DHRS3: variants seen among roughly 807,000 people sequenced by gnomAD.
The protein encoded by DHRS3 is dehydrogenase/reductase 3.
DHRS3 carries 14 observed loss-of-function variants against 27.2 expected under a neutral mutation model. The ratio of observed to expected loss-of-function variants is 0.52; its 90% CI spans 0.34 to 0.81. DHRS3 has a LOEUF of 0.81. Among genes scored for constraint, DHRS3 ranks in the 30% least tolerant of loss-of-function variants. The pLI is 0.01. For missense variants in DHRS3, 322 were observed against 406.2 expected, an observed-to-expected ratio of 0.79 and a Z score of 1.78; for synonymous variants, 165 against 175.9, an observed-to-expected ratio of 0.94 and a Z score of 0.49.
intron 1 of DHRS3, among the ~76,000 whole-genome samples, chr1:12,599,300 G>GTA: frequency 1.3e-5 from 2 of 152,194 alleles, no homozygotes; most frequent in Middle Eastern, 3.4e-3. Context: ...ACCCTGCAAA[G>GTA]ACCAGGATGC....
chr1:12,575,760 G>A (rs1352077763), intron 4 of DHRS3, among the ~76,000 whole-genome samples: 1 of 152,058 alleles, frequency 6.6e-6, no homozygotes, highest in African/African-American at 2.4e-5. Flanking sequence ...AGGCTGGAGT[G>A]CAATTGTGCA....
chr1:12,591,748 C>T lies in DHRS3; in HGVS notation c.196-11082G>A, dbSNP rs965134030. On this transcript the variant is annotated intron_variant, in intron 1 of 5. Transcript: ENST00000616661. The surrounding 1 kb of genome is among the most constrained non-coding windows in gnomAD (Gnocchi z 4.1). ...GGTAGAGCTGGGACCTCAACTTATG[C>T]AATCTGTGCCCTTGGCCACTGACTT... Among the ~76,000 whole-genome samples the T allele has an allele frequency of 2.6e-5, 4 of 152,246 alleles. No individual in the cohort carries two copies. Among genetic ancestry groups the T allele is most frequent in the African/African-American group, 4.8e-5 (2 of 41,472 alleles).
intron 1 of DHRS3, among the ~76,000 whole-genome samples, chr1:12,605,258 G>A (rs146508613): frequency 2.0e-5 from 3 of 152,074 alleles, no homozygotes; most frequent in East Asian, 1.9e-4. Context: ...ATATTACCAC[G>A]GTTATGTACA....
intron 1 of DHRS3, among the ~76,000 whole-genome samples, chr1:12,583,417 T>TATCCATCC (rs113024057): frequency 1.2e-5 from 1 of 84,654 alleles, no homozygotes; most frequent in African/African-American, 4.9e-5. Context: ...CTCACCTACT[T>TATCCATCC]ATCCATCCAT....
Position 12,578,867 on chromosome 1 carries a change from G to A in DHRS3, c.549C>T (p.Pro183=), listed in dbSNP as rs112570881. 294 of 1,613,950 alleles carry A rather than the reference G, an allele frequency of 1.8e-4. 1 individual carries two copies. In the African/African-American group the frequency reaches 2.6e-3, roughly 14 times the overall value. ...TGGATGTGCAGTAGTCGATGGCACC[G>A]GGGATGGCAGACAGTGCCAGCACGG... The part of the protein sequence containing the change: ...LNSVLALSAI[P]GAIDYCTSKA... The change falls in exon 4 of 6, where the codon CCC becomes CCT. Residue 183 remains proline, a synonymous_variant. Transcript: ENST00000616661. This position sits in a 1 kb window ranked among gnomAD's most constrained non-coding sequence, Gnocchi z 4.5.
intron 1 of DHRS3, among the ~76,000 whole-genome samples, chr1:12,600,866 T>C (rs1015099583): frequency 6.6e-6 from 1 of 152,132 alleles, no homozygotes; most frequent in African/African-American, 2.4e-5. Flanking sequence ...GTTGACAACC[T>C]GCTGGACTTT....
intron 1 of DHRS3, among the ~76,000 whole-genome samples, chr1:12,601,316 T>A (rs935122607): frequency 1.3e-5 from 2 of 152,054 alleles, no homozygotes; most frequent in Non-Finnish European, 2.9e-5. Context: ...GCTCACCCAG[T>A]CACTGCCAGA....
chr1:12,601,076 T>C (rs968059960), intron 1 of DHRS3, among the ~76,000 whole-genome samples: 1 of 152,142 alleles, frequency 6.6e-6, no homozygotes, highest in Non-Finnish European at 1.5e-5. Flanking sequence ...CAGGCAGGCC[T>C]GGCTCTCCTG....
intron 1 of DHRS3, among the ~76,000 whole-genome samples, chr1:12,612,069 G>A (rs1646914303): frequency 6.6e-6 from 1 of 152,164 alleles, no homozygotes. Flanking sequence ...GAGTAAGAAG[G>A]AGATGTTTGT....
rs1205126804 is a variant in DHRS3, at chr1:12,586,545, G to A, written c.196-5879C>T. Reference sequence around the variant, plus strand: ...TGAAGCAGATGTAATCCTACTTCAAGGAACCCACATTCCAGTGGGGGAAGA... The same window carrying A: ...TGAAGCAGATGTAATCCTACTTCAAAGAACCCACATTCCAGTGGGGGAAGA... On this transcript the variant is annotated intron_variant, in intron 1 of 5. Coordinates refer to ENST00000616661, the MANE Select transcript of DHRS3 (RefSeq NM_004753.7). This position sits in a 1 kb window ranked among gnomAD's most constrained non-coding sequence, Gnocchi z 5.0. Among the ~76,000 whole-genome samples the A allele has an allele frequency of 6.6e-6, 1 of 152,192 alleles. No homozygotes were observed. Among genetic ancestry groups the A allele is most frequent in the African/African-American group, 2.4e-5 (1 of 41,432 alleles).
chr1:12,612,537 T>C (rs190974502), intron 1 of DHRS3, among the ~76,000 whole-genome samples: 33 of 152,290 alleles, frequency 2.2e-4, no homozygotes, highest in African/African-American at 7.9e-4. Context: ...CAAGGCTCAG[T>C]CGAATGCTCC....
intron 1 of DHRS3, among the ~76,000 whole-genome samples, chr1:12,599,738 C>T (rs145632219): frequency 3.9e-5 from 6 of 152,352 alleles, no homozygotes; most frequent in Non-Finnish European, 7.3e-5. Flanking sequence ...TCATCCTTAA[C>T]GCCTCAGCTT....
rs546740360 is a variant in DHRS3, at chr1:12,574,792, G to A, written c.699-1939C>T. 6.0e-4 allele frequency among the ~76,000 whole-genome samples: 92 copies of A among 152,324 alleles called. 1 individual carries two copies. The Middle Eastern group carries it at 0.01, about 17-fold the overall frequency. On this transcript the variant is annotated intron_variant, in intron 4 of 5. Transcript: ENST00000616661. The surrounding 1 kb of genome is among the most constrained non-coding windows in gnomAD (Gnocchi z 4.6). ...TCCACGGTGTGTGGGATGGGGACACGGGGAACTGGCACAGCTATTAACTCC... is the reference window on the plus strand; with the variant it reads ...TCCACGGTGTGTGGGATGGGGACACAGGGAACTGGCACAGCTATTAACTCC...
intron 1 of DHRS3, among the ~76,000 whole-genome samples, chr1:12,585,234 TGA>T (rs1491489833): frequency 1.6e-4 from 24 of 150,392 alleles, no homozygotes; most frequent in African/African-American, 5.4e-4. Context: ...TGTGTCTATG[TGA>T]GTGTGTGTCT....
chr1:12,612,729 G>A (rs1646918628), intron 1 of DHRS3, among the ~76,000 whole-genome samples: 1 of 152,188 alleles, frequency 6.6e-6, no homozygotes, highest in African/African-American at 2.4e-5. Context: ...ATTGGATTTA[G>A]TGTGTGCCCT....
Position 12,615,482 on chromosome 1 carries a change from C to T in DHRS3, c.195+1672G>A, listed in dbSNP as rs181565018. 1.6e-4 allele frequency among the ~76,000 whole-genome samples: 25 copies of T among 152,322 alleles called. No individual in the cohort carries two copies. The East Asian group carries it at 2.5e-3, about 15-fold the overall frequency. ...CACTCTGTACTATCACACCCACCCC[C>T]CAATGCCATACACTTCTTTCAATTT... On this transcript the variant is annotated intron_variant, in intron 1 of 5. Transcript: ENST00000616661.
chr1:12,602,180 T>A (rs1323256674), intron 1 of DHRS3, among the ~76,000 whole-genome samples: 2 of 152,042 alleles, frequency 1.3e-5, no homozygotes, highest in African/African-American at 4.8e-5. Flanking sequence ...AAATGACTAA[T>A]GCCTTGTGCA....
At chr1:12,604,166 C>T (rs997245961) in intron 1 of DHRS3, among the ~76,000 whole-genome samples, 2 of 152,214 alleles carry the variant, frequency 1.3e-5, no homozygotes, top group Non-Finnish European at 2.9e-5. Flanking sequence ...CTGCAACCCC[C>T]TCAGTTGCCA....
chr1:12,616,668 C>T, intron 1 of DHRS3: 1 of 996,830 alleles, frequency 1.0e-6, no homozygotes, highest in Non-Finnish European at 1.2e-6. Flanking sequence ...AACCAAGTAC[C>T]CTCTCTCGTG....
Sources: allele counts gnomAD v4.1 joint callset (sites outside exome capture counted in the v4.1 genomes callset), GRCh38; gene constraint gnomAD v4.1.1; non-coding constraint Gnocchi (gnomAD v3.1); transcripts MANE v1.5; gene names NCBI Gene and HGNC (gene_info 2026-07-23, HGNC 2026-07-21).